UBAC2: variants seen among roughly 807,000 people sequenced by gnomAD.
The protein encoded by UBAC2 is ubiquitin-associated domain-containing protein 2.
A neutral mutation model predicts 44.0 loss-of-function variants in UBAC2; 26 were observed. That is an observed-to-expected ratio of 0.59 (90% CI 0.43 to 0.82). The LOEUF is 0.82. Ranked by LOEUF, UBAC2 falls within the 40% of genes least tolerant of loss-of-function variation. The pLI is 0.00. For synonymous variants in UBAC2, 155 were observed against 154.3 expected, an observed-to-expected ratio of 1.00 and a Z score of -0.04; for missense variants, 329 against 419.4, an observed-to-expected ratio of 0.78 and a Z score of 1.88.
chr13:99,260,167 G>A lies in UBAC2; in HGVS notation c.389+15543G>A, dbSNP rs1832398599. Among the ~76,000 whole-genome samples, 4 of 152,252 alleles carry A rather than the reference G, an allele frequency of 2.6e-5. No homozygotes were observed. The South Asian group carries it at 6.2e-4, about 24-fold the overall frequency. On this transcript the variant is annotated intron_variant, in intron 4 of 8. Transcript: ENST00000403766. ...TTTCAGGAAGCTTTCTCTGCCATCCGAAGCTGGGCTGGTTTCTCTGCCCTC... is the reference window on the plus strand; with the variant it reads ...TTTCAGGAAGCTTTCTCTGCCATCCAAAGCTGGGCTGGTTTCTCTGCCCTC...
chr13:99,283,689 A>G (rs958223953), intron 4 of UBAC2, among the ~76,000 whole-genome samples: 4 of 127,466 alleles, frequency 3.1e-5, no homozygotes, highest in Admixed American at 8.0e-5. Flanking sequence ...TGGCTCAGAC[A>G]TTTCCTTAAT....
intron 8 of UBAC2, 109 bp from the exon 9 acceptor site, chr13:99,385,119 T>G: frequency 1.3e-6 from 1 of 790,948 alleles, no homozygotes; most frequent in Non-Finnish European, 2.1e-6. Context: ...TTGGTTTTTT[T>G]GTAAACAGTT....
At chr13:99,378,309 T>G (rs2045508121) in intron 8 of UBAC2, among the ~76,000 whole-genome samples, 1 of 152,086 alleles carries the variant, frequency 6.6e-6, no homozygotes, top group Non-Finnish European at 1.5e-5. Context: ...GGCAGATCAC[T>G]TGAGGTCAGG....
At chr13:99,346,333 A>G (rs1259309452) in intron 7 of UBAC2, among the ~76,000 whole-genome samples, 1 of 152,092 alleles carries the variant, frequency 6.6e-6, no homozygotes, top group Non-Finnish European at 1.5e-5. Context: ...CCTGCCCCAC[A>G]GCCTCCACCA....
At chr13:99,279,867 C>T (rs2043930239) in intron 4 of UBAC2, among the ~76,000 whole-genome samples, 2 of 152,178 alleles carry the variant, frequency 1.3e-5, no homozygotes, top group Non-Finnish European at 2.9e-5. Flanking sequence ...AGCCCCACCT[C>T]CTAAGAGCAT....
intron 4 of UBAC2, among the ~76,000 whole-genome samples, chr13:99,262,802 A>G (rs750509921): frequency 2.0e-5 from 3 of 151,878 alleles, no homozygotes; most frequent in South Asian, 4.1e-4. Flanking sequence ...ATAAACCTAT[A>G]TAATAGTGTG....
intron 4 of UBAC2, among the ~76,000 whole-genome samples, chr13:99,285,531 T>G (rs2044008045): frequency 6.6e-6 from 1 of 152,128 alleles, no homozygotes; most frequent in South Asian, 2.1e-4. Context: ...TAGCTAGGAC[T>G]ACAGGCATGT....
chr13:99,223,658 C>T (rs2043078605), intron 1 of UBAC2, among the ~76,000 whole-genome samples: 1 of 146,206 alleles, frequency 6.8e-6, no homozygotes, highest in African/African-American at 2.5e-5. Context: ...ATTGCTCTAT[C>T]TGCAGTCCAC....
chr13:99,355,814 G>T (rs1255711423), intron 7 of UBAC2, among the ~76,000 whole-genome samples: 1 of 152,230 alleles, frequency 6.6e-6, no homozygotes, highest in East Asian at 1.9e-4. Flanking sequence ...TGTGCAGGGG[G>T]CCTGGAGGGC....
chr13:99,347,124 A>G (rs1302493358), intron 7 of UBAC2, among the ~76,000 whole-genome samples: 2 of 152,032 alleles, frequency 1.3e-5, no homozygotes, highest in Admixed American at 6.6e-5. Context: ...ATTTAAAGAA[A>G]AAAAAAGATC....
At chr13:99,303,777 A>G (rs568226850) in intron 4 of UBAC2, among the ~76,000 whole-genome samples, 9 of 152,320 alleles carry the variant, frequency 5.9e-5, no homozygotes, top group Admixed American at 2.0e-4. Flanking sequence ...GATGGAAATT[A>G]GGGAGGAACA....
At chr13:99,247,838 A>T (rs1012984497) in intron 4 of UBAC2, among the ~76,000 whole-genome samples, 1 of 151,252 alleles carries the variant, frequency 6.6e-6, no homozygotes, top group East Asian at 1.9e-4. Flanking sequence ...TGCACTCTCT[A>T]TAGTTCTTTA....
chr13:99,373,633 C>T (rs990231088), intron 8 of UBAC2, among the ~76,000 whole-genome samples: 24 of 152,164 alleles, frequency 1.6e-4, no homozygotes, highest in African/African-American at 2.4e-4. Flanking sequence ...CAAGAAAGGC[C>T]GTCAGGGCAG....
intron 8 of UBAC2, among the ~76,000 whole-genome samples, chr13:99,378,142 G>C (rs1299142081): frequency 6.6e-6 from 1 of 152,130 alleles, no homozygotes; most frequent in African/African-American, 2.4e-5. Context: ...CATCATCACT[G>C]TTGTCACAGT....
chr13:99,278,504 T>C (rs2043912533), intron 4 of UBAC2, among the ~76,000 whole-genome samples: 1 of 152,198 alleles, frequency 6.6e-6, no homozygotes, highest in Non-Finnish European at 1.5e-5. Flanking sequence ...CTTTCTAAAT[T>C]ATTGTGTCTC....
rs1566489250 is a variant in UBAC2, at chr13:99,295,119, A to T, written c.390-18978A>T. 6.2e-7 allele frequency: 1 copy of T among 1,614,022 alleles called. No homozygotes were observed. Reference sequence around the variant, plus strand: ...ATCTGCGTTTCTGTCATTTCACGTGAATTTTCTTCAGGGGCTGACTTCACA... The same window carrying T: ...ATCTGCGTTTCTGTCATTTCACGTGTATTTTCTTCAGGGGCTGACTTCACA... On this transcript the variant is annotated intron_variant, in intron 4 of 8. Coordinates refer to ENST00000403766, the MANE Select transcript of UBAC2 (RefSeq NM_001144072.2). The surrounding 1 kb of genome is among the most constrained non-coding windows in gnomAD (Gnocchi z 4.1).
intron 6 of UBAC2, among the ~76,000 whole-genome samples, chr13:99,326,735 C>T (rs943309709): frequency 6.6e-6 from 1 of 152,114 alleles, no homozygotes; most frequent in African/African-American, 2.4e-5. Flanking sequence ...GTGTTCTGCT[C>T]CAGGCCCAGT....
chr13:99,286,352 A>G (rs1036391866), intron 4 of UBAC2, among the ~76,000 whole-genome samples: 1 of 152,228 alleles, frequency 6.6e-6, no homozygotes, highest in Non-Finnish European at 1.5e-5. Context: ...TAGGAGATCA[A>G]GTTCCTCAAA....
intron 4 of UBAC2, among the ~76,000 whole-genome samples, chr13:99,292,650 T>G (rs2044106747): frequency 6.6e-6 from 1 of 152,032 alleles, no homozygotes; most frequent in Non-Finnish European, 1.5e-5. Context: ...ACTATTCTAT[T>G]TTTACTATCC....
Sources: gnomAD v4.1 joint callset for allele counts (sites outside exome capture counted in the v4.1 genomes callset) on GRCh38, gnomAD v4.1.1 for gene constraint, Gnocchi (gnomAD v3.1) non-coding constraint, MANE v1.5 for transcripts, NCBI Gene and HGNC (gene_info 2026-07-23, HGNC 2026-07-21) for gene names.